Variants in EBF3 observed in about 807,000 individuals in gnomAD.
The protein encoded by EBF3 is EBF transcription factor 3.
Under a neutral mutation model 77.1 loss-of-function variants are expected in EBF3, and 18 were observed. The observed-to-expected ratio is 0.23, with a 90% confidence interval of 0.16 to 0.35. The LOEUF (loss-of-function observed/expected upper bound fraction) is 0.35. Among genes scored for constraint, EBF3 ranks in the 10% least tolerant of loss-of-function variants. The pLI, the probability that EBF3 is intolerant of heterozygous loss-of-function variation, is 1.00. For missense variants in EBF3, 558 were observed against 860.0 expected, an observed-to-expected ratio of 0.65 and a Z score of 4.39; for synonymous variants, 350 against 343.5, an observed-to-expected ratio of 1.02 and a Z score of -0.21.
chr10:129,891,173 G>A (rs922938119), intron 6 of EBF3, among the ~76,000 whole-genome samples: 2 of 152,142 alleles, frequency 1.3e-5, no homozygotes, highest in Non-Finnish European at 2.9e-5. Context: ...ATAAAATTTA[G>A]TCACAGTATA....
chr10:129,894,543 T>G (rs1037386594), intron 6 of EBF3, among the ~76,000 whole-genome samples: 1 of 152,172 alleles, frequency 6.6e-6, no homozygotes, highest in African/African-American at 2.4e-5. Context: ...CCCGCCTCTG[T>G]GCCCCAGCTC....
chr10:129,866,302 G>A (rs771591759), intron 10 of EBF3, among the ~76,000 whole-genome samples: 28 of 152,118 alleles, frequency 1.8e-4, no homozygotes, highest in Non-Finnish European at 3.8e-4. Flanking sequence ...TTAAATTTTT[G>A]TAGAGACAGG....
rs1221821356 is a variant in EBF3 at position 129,952,464 on chromosome 10, GA to G, written c.554+4793del. On this transcript the variant is annotated intron_variant, in intron 6 of 16. Transcript: ENST00000440978. This position sits in a 1 kb window ranked among gnomAD's most constrained non-coding sequence, Gnocchi z 4.7. ...CCAAAATGTAAATGACATTAAAGAA[GA>G]CAATGAATTTAATTTTATTTAATGT... is the stretch of plus-strand genomic sequence containing the variant. Among the ~76,000 whole-genome samples, 1 of 152,158 alleles carries G rather than the reference GA, an allele frequency of 6.6e-6. No individual in the cohort carries two copies. The highest frequency in any genetic ancestry group is 6.5e-5 in the Admixed American group (1 of 15,276).
chr10:129,846,136 G>T (rs1444019466), intron 11 of EBF3, among the ~76,000 whole-genome samples: 3 of 141,302 alleles, frequency 2.1e-5, no homozygotes, highest in South Asian at 2.3e-4. Flanking sequence ...GTGTGTGTGT[G>T]TGTGTGTGTG....
At chr10:129,906,610 T>C (rs1855164303) in intron 6 of EBF3, among the ~76,000 whole-genome samples, 1 of 152,168 alleles carries the variant, frequency 6.6e-6, no homozygotes, top group African/African-American at 2.4e-5. Flanking sequence ...GCCTTAACAA[T>C]AGGCTTATTT....
At chr10:129,855,199 C>T (rs1851169901) in intron 10 of EBF3, among the ~76,000 whole-genome samples, 2 of 152,184 alleles carry the variant, frequency 1.3e-5, no homozygotes, top group Admixed American at 1.3e-4. Flanking sequence ...GAGCCGCCTC[C>T]TTCGTATCGG....
chr10:129,841,415 CCG>C lies in EBF3; in HGVS notation c.1373-385_1373-384del, dbSNP rs1212405980. Among the ~76,000 whole-genome samples, 2 of 152,154 alleles carry C rather than the reference CCG, an allele frequency of 1.3e-5. No individual in the cohort carries two copies. Among genetic ancestry groups the C allele is most frequent in the African/African-American group, 4.8e-5 (2 of 41,412 alleles). ...ACTGACAAGGAGAGCTTGTTTGTGGCCGTAACTTCCCCTGAAAGGCTGTTTGG... is the reference window on the plus strand; with the variant it reads ...ACTGACAAGGAGAGCTTGTTTGTGGCTAACTTCCCCTGAAAGGCTGTTTGG... On this transcript the variant is annotated intron_variant, in intron 13 of 16. Transcript: ENST00000440978. This position sits in a 1 kb window ranked among gnomAD's most constrained non-coding sequence, Gnocchi z 4.6.
chr10:129,930,546 T>C (rs1208398685), intron 6 of EBF3, among the ~76,000 whole-genome samples: 3 of 145,342 alleles, frequency 2.1e-5, no homozygotes, highest in African/African-American at 7.9e-5. Context: ...CCCTCTCATA[T>C]ACCTATATCT....
chr10:129,926,240 C>A (rs1330975228), intron 6 of EBF3, among the ~76,000 whole-genome samples: 3 of 152,144 alleles, frequency 2.0e-5, no homozygotes, highest in Non-Finnish European at 4.4e-5. Context: ...CCAGGCAGGA[C>A]GAGAATGGCG....
chr10:129,867,071 C>G, intron 10 of EBF3, 70 bp downstream of exon 10: 1 of 1,558,910 alleles, frequency 6.4e-7, no homozygotes, highest in East Asian at 2.3e-5. Context: ...CTCCCGTGCC[C>G]TCATGAGCAC....
chr10:129,843,918 G>A (rs996305598), intron 11 of EBF3, among the ~76,000 whole-genome samples: 6 of 152,220 alleles, frequency 3.9e-5, no homozygotes, highest in South Asian at 2.1e-4. Context: ...ACGTCTGCAC[G>A]CCTACCTCCA....
In EBF3 at chr10:129,938,691, G is replaced by A. The variant is rs1432791318; in HGVS notation, c.554+18567C>T. Reference sequence around the variant, plus strand: ...TGGCTGTTGTCCACGAGAAAGGTGCGGCTGCAACCGACGAGCACTGCCTTG... The same window carrying A: ...TGGCTGTTGTCCACGAGAAAGGTGCAGCTGCAACCGACGAGCACTGCCTTG... On this transcript the variant is annotated intron_variant, in intron 6 of 16. Coordinates refer to ENST00000440978, the MANE Select transcript of EBF3 (RefSeq NM_001375380.1). The surrounding 1 kb of genome is among the most constrained non-coding windows in gnomAD (Gnocchi z 5.1). Among the ~76,000 whole-genome samples the A allele has an allele frequency of 2.6e-5, 4 of 152,216 alleles. No homozygotes were observed. Among genetic ancestry groups the A allele is most frequent in the Non-Finnish European group, 2.9e-5 (2 of 68,036 alleles).
In EBF3 at chr10:129,848,054, T is replaced by G. The variant is rs1336831352; in HGVS notation, c.1128+338A>C. Reference sequence around the variant, plus strand: ...AGCAGGCCACTGGAGTGGAAAATGTTTAATTGAACTATTTCATTACGCGGA... The same window carrying G: ...AGCAGGCCACTGGAGTGGAAAATGTGTAATTGAACTATTTCATTACGCGGA... On this transcript the variant is annotated intron_variant, in intron 11 of 16. Transcript: ENST00000440978. The surrounding 1 kb of genome is among the most constrained non-coding windows in gnomAD (Gnocchi z 4.4). Among the ~76,000 whole-genome samples the G allele has an allele frequency of 2.0e-5, 3 of 152,242 alleles. No individual in the cohort carries two copies. The highest frequency in any genetic ancestry group is 2.9e-5 in the Non-Finnish European group (2 of 68,042).
rs1206038505 is a variant in EBF3 at position 129,864,127 on chromosome 10, G to A, written c.1039+3014C>T. 6.6e-6 allele frequency among the ~76,000 whole-genome samples: 1 copy of A among 152,166 alleles called. No homozygotes were observed. The highest frequency in any genetic ancestry group is 1.5e-5 in the Non-Finnish European group (1 of 68,042). ...AACTAAGGGGTCCACTGGTCCCTTAGTAGGAGGATATGAGACCTGGAGAGG... is the reference window on the plus strand; with the variant it reads ...AACTAAGGGGTCCACTGGTCCCTTAATAGGAGGATATGAGACCTGGAGAGG... On this transcript the variant is annotated intron_variant, in intron 10 of 16. Coordinates refer to ENST00000440978, the MANE Select transcript of EBF3 (RefSeq NM_001375380.1). The surrounding 1 kb of genome is among the most constrained non-coding windows in gnomAD (Gnocchi z 4.4).
At position 129,964,189 on chromosome 10, in the gene EBF3, G is replaced by C. The variant is rs1191872994; in HGVS notation, c.-421C>G. The C allele has an allele frequency of 9.1e-6, 9 of 984,914 alleles. No individual in the cohort carries two copies. Among genetic ancestry groups the C allele is most frequent in the African/African-American group, 1.7e-5 (1 of 57,304 alleles). 61.0% of individuals were successfully genotyped at this position (984,914 alleles called of 1,614,324 possible). A position where few individuals can be genotyped will look rare whatever the true frequency, so the allele number is the denominator to read the frequency against. On this transcript the variant is annotated 5_prime_UTR_variant, in exon 1 of 17. Transcript: ENST00000440978. This position sits in a 1 kb window ranked among gnomAD's most constrained non-coding sequence, Gnocchi z 4.5. The stretch of plus-strand genomic sequence containing the variant: ...GCAGTGAGTGCTGCGGCGCAGTCCC[G>C]GGCGCAGGCGGGGCGCGGCGGGGCC...
At chr10:129,960,761 C>T (rs1363895234) in intron 4 of EBF3, among the ~76,000 whole-genome samples, 1 of 151,980 alleles carries the variant, frequency 6.6e-6, no homozygotes, top group Admixed American at 6.5e-5. Flanking sequence ...AACGAAGCCT[C>T]CTCCTCCTCT....
rs1280549842 is a variant in EBF3, at chr10:129,867,856, T to C, written c.838A>G (p.Thr280Ala). The C allele has an allele frequency of 6.2e-7, 1 of 1,614,138 alleles. No homozygotes were observed. The highest frequency in any genetic ancestry group is 8.5e-7 in the Non-Finnish European group (1 of 1,180,058). ...AAGTTGTCGCCAATTATGATGACGG[T>C]GGCACCCCCCGTGGTCCAGCCTTCA... is the stretch of plus-strand genomic sequence containing the variant. ...PSEGWTTGGA[T>A]VIIIGDNFFD... Residue 280 changes from threonine (T) to alanine (A), a missense_variant, in exon 9 of 17, where the codon ACC (threonine) becomes GCC (alanine). Thr to Ala is a moderately conservative substitution (Grantham distance 58). Coordinates refer to ENST00000440978, the MANE Select transcript of EBF3 (RefSeq NM_001375380.1).
At chr10:129,865,901 T>A (rs1362717679) in intron 10 of EBF3, among the ~76,000 whole-genome samples, 1 of 152,134 alleles carries the variant, frequency 6.6e-6, no homozygotes, top group East Asian at 1.9e-4. Context: ...CATCCTCTAG[T>A]CCAGGTTCCT....
intron 10 of EBF3, among the ~76,000 whole-genome samples, chr10:129,852,731 T>A (rs1235834674): frequency 6.6e-6 from 1 of 152,156 alleles, no homozygotes; most frequent in Non-Finnish European, 1.5e-5. Context: ...AAAATTCGGA[T>A]TGGAAAACAT....
Sources: gnomAD v4.1 joint callset for allele counts (sites outside exome capture counted in the v4.1 genomes callset) on GRCh38, gnomAD v4.1.1 for gene constraint, Gnocchi (gnomAD v3.1) non-coding constraint, MANE v1.5 for transcripts, NCBI Gene and HGNC (gene_info 2026-07-23, HGNC 2026-07-21) for gene names.